The following PDPR variants were observed in gnomAD, a reference collection of about 807,000 sequenced individuals.
PDPR encodes the protein pyruvate dehydrogenase phosphatase regulatory subunit, mitochondrial.
PDPR carries 50 observed loss-of-function variants against 102.2 expected under a neutral mutation model. The observed-to-expected ratio is 0.49, with a 90% CI of 0.39 to 0.62. The LOEUF (loss-of-function observed/expected upper bound fraction) is 0.62. Among genes scored for constraint, PDPR ranks in the 20% least tolerant of loss-of-function variants. PDPR has a pLI of 0.00. For missense variants in PDPR, 625 were observed against 1,098.2 expected, an observed-to-expected ratio of 0.57 and a Z score of 6.09; for synonymous variants, 259 against 406.0, an observed-to-expected ratio of 0.64 and a Z score of 4.35.
At position 70,153,664 on chromosome 16, in the gene PDPR, A is replaced by C. The variant is rs115285186; in HGVS notation, c.2235+91A>C. 876 of 1,348,862 alleles carry C rather than the reference A, an allele frequency of 6.5e-4. 1 individual carries two copies. The African/African-American group carries it at 0.012, about 19-fold the overall frequency. The allele number at this position is 1,348,862 out of a possible 1,614,324, so 83.6% of individuals were successfully genotyped here. A position where few individuals can be genotyped will look rare whatever the true frequency, so the allele number is the denominator to read the frequency against. On this transcript the variant is annotated intron_variant, in intron 18 of 18. Transcript: ENST00000288050. ...GAAGAAGAACTGATGTGACAGGAAA[A>C]GGGGGAAAAGATTGAGGCCTTGATG...
At chr16:70,115,158 CTG>C (rs1434080492) in intron 2 of PDPR, among the ~76,000 whole-genome samples, 3 of 152,022 alleles carry the variant, frequency 2.0e-5, no homozygotes, top group Admixed American at 2.0e-4. Context: ...GAGTTTCACT[CTG>C]TCGCCCAGGC....
At position 70,150,292 on chromosome 16, in the gene PDPR, C is replaced by T. The variant is rs1474484316; in HGVS notation, c.2052+1739C>T. On this transcript the variant is annotated intron_variant, in intron 17 of 18. Transcript: ENST00000288050. ...CTAATTTTTGTATTTTTAGTAGAGA[C>T]AGGATTTCACCATGTTGGCCAGCTT... Among the ~76,000 whole-genome samples, 3 of 151,924 alleles carry T rather than the reference C, an allele frequency of 2.0e-5. No individual in the cohort carries two copies. The East Asian group carries it at 5.8e-4, about 29-fold the overall frequency.
chr16:70,133,138 G>A (rs1412930420), intron 9 of PDPR, among the ~76,000 whole-genome samples: 1 of 76,464 alleles, frequency 1.3e-5, no homozygotes, highest in Admixed American at 1.7e-4. Flanking sequence ...TTTTTGAGAT[G>A]AAGTCTCGCT....
chr16:70,157,015 T>C lies in PDPR; in HGVS notation c.*136T>C. 1 of 1,333,884 alleles carries C rather than the reference T, an allele frequency of 7.5e-7. No homozygotes were observed. Among genetic ancestry groups the C allele is most frequent in the Non-Finnish European group, 1.0e-6 (1 of 957,162 alleles). 82.6% of individuals were successfully genotyped at this position (1,333,884 alleles called of 1,614,324 possible). ...ATCTCTTATCTCCTTGATATAATTT[T>C]GAACTTGACCTACTTTAAACTTTTT... On this transcript the variant is annotated 3_prime_UTR_variant, in exon 19 of 19. Transcript: ENST00000288050.
Position 70,120,616 on chromosome 16 carries a change from C to G in PDPR, c.124C>G (p.Gln42Glu), listed in dbSNP as rs199750793. Residue 42 changes from glutamine (Q) to glutamate (E), a missense_variant, in exon 3 of 19, where the codon CAG becomes GAG. Around this residue, in one of 11 missense-constraint regions of PDPR, gnomAD observed 84 missense variants for 87.7 expected, o/e 0.96. Coordinates refer to ENST00000288050, the MANE Select transcript of PDPR (RefSeq NM_017990.5). ...AEARSMALPTQAQVVICGGGI... is the reference protein window; with the variant it reads ...AEARSMALPTEAQVVICGGGI... ...GGCGCGTTCCATGGCCCTGCCCACC[C>G]AGGCACAGGTGGTCATCTGTGGAGG... 4,611 of 1,613,858 alleles carry G rather than the reference C, an allele frequency of 2.9e-3. 19 individuals carry two copies. Among genetic ancestry groups the G allele is most frequent in the Non-Finnish European group, 3.6e-3 (4,235 of 1,179,750 alleles).
In PDPR at chr16:70,120,731, A is replaced by G. The variant is rs368632202; in HGVS notation, c.227+12A>G. The G allele has an allele frequency of 9.7e-5, 152 of 1,563,550 alleles. No individual in the cohort carries two copies. The African/African-American group carries it at 1.7e-3, about 18-fold the overall frequency. On this transcript the variant is annotated intron_variant, in intron 3 of 18. Coordinates refer to ENST00000288050, the MANE Select transcript of PDPR (RefSeq NM_017990.5). ...TTGGAGCAGGGCAGGTAAGGATCAG[A>G]CTGCATTTGGCTCATGGCTGTGCTG...
intron 2 of PDPR, among the ~76,000 whole-genome samples, chr16:70,115,588 T>C (rs1342280921): frequency 6.6e-6 from 1 of 152,032 alleles, no homozygotes; most frequent in African/African-American, 2.4e-5. Context: ...GTGGGAAATG[T>C]TGTGTGAACC....
intron 2 of PDPR, among the ~76,000 whole-genome samples, chr16:70,119,740 C>G (rs1963021547): frequency 6.7e-6 from 1 of 149,452 alleles, no homozygotes; most frequent in Admixed American, 6.7e-5. Flanking sequence ...GCTTTATTTA[C>G]TGTTTTATTT....
intron 15 of PDPR, among the ~76,000 whole-genome samples, chr16:70,145,387 C>A (rs1410432146): frequency 6.6e-6 from 1 of 152,256 alleles, no homozygotes; most frequent in Non-Finnish European, 1.5e-5. Flanking sequence ...CCACCTGCTT[C>A]GGCCTCCCAA....
At chr16:70,126,664 T>G (rs1964007073) in intron 3 of PDPR, among the ~76,000 whole-genome samples, 1 of 152,180 alleles carries the variant, frequency 6.6e-6, no homozygotes, top group Non-Finnish European at 1.5e-5. Flanking sequence ...CACTCAGCCT[T>G]TATTTTTATT....
At chr16:70,144,800 C>CA (rs2152109146) in intron 15 of PDPR, among the ~76,000 whole-genome samples, 1 of 152,348 alleles carries the variant, frequency 6.6e-6, no homozygotes, top group Non-Finnish European at 1.5e-5. Flanking sequence ...ACTAGAAATA[C>CA]AAAAATTAGC....
At chr16:70,150,625 A>G (rs567838130) in intron 17 of PDPR, among the ~76,000 whole-genome samples, 1 of 148,006 alleles carries the variant, frequency 6.8e-6, no homozygotes, top group South Asian at 2.1e-4. Context: ...CCCCTGCCTC[A>G]GCCTCCTGAA....
chr16:70,138,543 G>A (rs1470995952), intron 10 of PDPR, among the ~76,000 whole-genome samples: 2 of 152,104 alleles, frequency 1.3e-5, no homozygotes, highest in South Asian at 2.1e-4. Flanking sequence ...CTGTAGAGAC[G>A]GGGTCTTACT....
chr16:70,154,194 G>C (rs1966874009), intron 18 of PDPR, among the ~76,000 whole-genome samples: 1 of 152,130 alleles, frequency 6.6e-6, no homozygotes, highest in African/African-American at 2.4e-5. Flanking sequence ...TGGGCGTGGT[G>C]GCCAGCACCT....
chr16:70,153,765 CAT>C (rs1411583102), intron 18 of PDPR, among the ~76,000 whole-genome samples, 192 bp downstream of exon 18: 1 of 152,274 alleles, frequency 6.6e-6, no homozygotes, highest in East Asian at 1.9e-4. Context: ...CAAATGAAAA[CAT>C]AATAATGGTG....
intron 9 of PDPR, 110 bp downstream of exon 9, chr16:70,132,410 A>T: frequency 9.1e-7 from 1 of 1,098,538 alleles, no homozygotes; most frequent in Non-Finnish European, 1.3e-6. Flanking sequence ...CATCGCCATG[A>T]GGTACAACAG....
downstream of PDPR, among the ~76,000 whole-genome samples, chr16:70,163,228 G>C (rs113576803): frequency 6.6e-6 from 1 of 151,864 alleles, no homozygotes; most frequent in African/African-American, 2.4e-5. Flanking sequence ...GATTACAGGC[G>C]TGAGCCACTG....
At chr16:70,120,260 C>T in intron 2 of PDPR, 1 of 464,582 alleles carries the variant, frequency 2.2e-6, no homozygotes, top group Admixed American at 3.4e-5. Flanking sequence ...CTGTGTTAGC[C>T]AGGATGGTCT....
Position 70,160,005 on chromosome 16 carries a change from A to G in PDPR, c.*3126A>G, listed in dbSNP as rs945304378. The stretch of plus-strand genomic sequence containing the variant: ...AGTTGGGTGCTTTTTTCTCTCTGCA[A>G]TTACCTGTCATAGCATTTTGTGCTC... On this transcript the variant is annotated 3_prime_UTR_variant, in exon 19 of 19. Transcript: ENST00000288050. The G allele has an allele frequency of 1.3e-5, 2 of 153,126 alleles. No homozygotes were observed. The highest frequency in any genetic ancestry group is 6.5e-5 in the Admixed American group (1 of 15,290). 9.5% of individuals were successfully genotyped at this position (153,126 alleles called of 1,614,324 possible). A position where few individuals can be genotyped will look rare whatever the true frequency, so the allele number is the denominator to read the frequency against.
Sources: gnomAD v4.1 joint callset for allele counts (sites outside exome capture counted in the v4.1 genomes callset) on GRCh38, gnomAD v4.1.1 for gene constraint, gnomAD v4.1.1 regional missense constraint, MANE v1.5 for transcripts, NCBI Gene and HGNC (gene_info 2026-07-23, HGNC 2026-07-21) for gene names.